Variants in CACNA2D3 observed in about 807,000 individuals in gnomAD.
The protein encoded by CACNA2D3 is voltage-dependent calcium channel subunit alpha-2/delta-3.
CACNA2D3 carries 60 observed loss-of-function variants against 160.6 expected under a neutral mutation model. That is an observed-to-expected ratio of 0.37 (90% CI 0.30 to 0.46). CACNA2D3 has a LOEUF of 0.46. Ranked by LOEUF, CACNA2D3 falls within the 20% of genes least tolerant of loss-of-function variation. The pLI is 1.00. For synonymous variants in CACNA2D3, 558 were observed against 492.9 expected, an observed-to-expected ratio of 1.13 and a Z score of -1.75; for missense variants, 1,205 against 1,365.0, an observed-to-expected ratio of 0.88 and a Z score of 1.85.
chr3:54,788,252 C>G (rs1702679077), intron 13 of CACNA2D3, among the ~76,000 whole-genome samples: 1 of 152,148 alleles, frequency 6.6e-6, no homozygotes, highest in African/African-American at 2.4e-5. Flanking sequence ...ACATGGTAAT[C>G]TTAAGGAAGG....
chr3:54,803,619 G>T (rs1382384271), intron 13 of CACNA2D3, among the ~76,000 whole-genome samples: 3 of 152,182 alleles, frequency 2.0e-5, no homozygotes, highest in African/African-American at 4.8e-5. Context: ...GAACCAAGTT[G>T]GAAAACACTC....
intron 27 of CACNA2D3, among the ~76,000 whole-genome samples, chr3:54,954,705 C>G (rs909379600): frequency 7.9e-5 from 12 of 152,160 alleles, no homozygotes; most frequent in African/African-American, 2.9e-4. Context: ...CAGGCCTCAG[C>G]TTTTGAGAGT....
intron 13 of CACNA2D3, among the ~76,000 whole-genome samples, chr3:54,807,590 C>G (rs1304882560): frequency 2.6e-5 from 4 of 151,836 alleles, no homozygotes; most frequent in East Asian, 3.9e-4. Flanking sequence ...AATAGGAACA[C>G]TTTGACACTG....
chr3:54,724,289 A>G (rs1309847876), intron 11 of CACNA2D3, among the ~76,000 whole-genome samples: 1 of 152,190 alleles, frequency 6.6e-6, no homozygotes, highest in Non-Finnish European at 1.5e-5. Context: ...AGACCTACAA[A>G]GAGACTTAGA....
At chr3:54,891,180 CGT>C (rs3836392) in intron 24 of CACNA2D3, among the ~76,000 whole-genome samples, 173 bp from the exon 25 acceptor site, 19,972 of 141,824 alleles carry the variant, frequency 0.14, 1,478 homozygotes, top group African/African-American at 0.2. Context: ...AATCTGTGCT[CGT>C]GTGTGTGTGT....
intron 4 of CACNA2D3, among the ~76,000 whole-genome samples, chr3:54,453,801 C>G (rs556306092): frequency 6.6e-6 from 1 of 152,184 alleles, no homozygotes; most frequent in East Asian, 1.9e-4. Flanking sequence ...ATAATATTTG[C>G]ACAAAAGTCC....
chr3:54,505,158 C>A (rs1701349754), intron 5 of CACNA2D3, among the ~76,000 whole-genome samples: 1 of 152,170 alleles, frequency 6.6e-6, no homozygotes, highest in Non-Finnish European at 1.5e-5. Flanking sequence ...TCAGTGGAGG[C>A]AGTACCCCAT....
In CACNA2D3 at chr3:55,074,328, C is replaced by CTCA; in HGVS notation, c.*127_*129dup. On this transcript the variant is annotated 3_prime_UTR_variant, in exon 38 of 38. Transcript: ENST00000474759. Reference sequence around the variant, plus strand: ...ATGAATATAGTCCAACCATCAGCATCTCATCATGATTTTAAACTGTGCGTG... The same window carrying CTCA: ...ATGAATATAGTCCAACCATCAGCATCTCATCATCATGATTTTAAACTGTGCGTG... The CTCA allele has an allele frequency of 1.3e-6, 1 of 784,070 alleles. No homozygotes were observed. Among genetic ancestry groups the CTCA allele is most frequent in the Admixed American group, 1.9e-5 (1 of 52,718 alleles). The allele number at this position is 784,070 out of a possible 1,614,324, so 48.6% of individuals were successfully genotyped here.
chr3:54,730,263 G>T (rs920056408), intron 11 of CACNA2D3, among the ~76,000 whole-genome samples: 1 of 152,162 alleles, frequency 6.6e-6, no homozygotes, highest in South Asian at 2.1e-4. Flanking sequence ...ATTGCCCAGA[G>T]AATCCACCCT....
At chr3:54,848,292 C>G (rs527303662) in intron 17 of CACNA2D3, among the ~76,000 whole-genome samples, 9 of 152,342 alleles carry the variant, frequency 5.9e-5, no homozygotes, top group African/African-American at 2.2e-4. Flanking sequence ...CTGTTCATCT[C>G]CTAAGAGTAC....
intron 17 of CACNA2D3, among the ~76,000 whole-genome samples, chr3:54,856,648 A>G (rs1395031673): frequency 1.3e-5 from 2 of 152,274 alleles, no homozygotes; most frequent in African/African-American, 2.4e-5. Context: ...AAACTGATAA[A>G]TAAAAATACT....
chr3:54,184,395 A>T (rs995757960), intron 2 of CACNA2D3, among the ~76,000 whole-genome samples: 15 of 152,122 alleles, frequency 9.9e-5, no homozygotes, highest in Middle Eastern at 3.2e-3. Context: ...TCCTCCCATC[A>T]CCAATTTTAG....
chr3:54,766,153 T>C (rs992924553), intron 13 of CACNA2D3, among the ~76,000 whole-genome samples: 4 of 152,090 alleles, frequency 2.6e-5, no homozygotes, highest in South Asian at 2.1e-4. Flanking sequence ...AAAAAAACTT[T>C]TGTAAGCCAA....
chr3:54,372,919 GA>G (rs1283587844), intron 3 of CACNA2D3, among the ~76,000 whole-genome samples: 1 of 152,156 alleles, frequency 6.6e-6, no homozygotes, highest in Non-Finnish European at 1.5e-5. Flanking sequence ...AATTAGAATG[GA>G]AAAATAACAA....
chr3:54,994,368 G>T (rs1218037024), intron 31 of CACNA2D3, among the ~76,000 whole-genome samples: 1 of 152,170 alleles, frequency 6.6e-6, no homozygotes, highest in Non-Finnish European at 1.5e-5. Context: ...CTCATGTAAT[G>T]AGTGTAATGG....
At chr3:54,998,370 G>C (rs1702904367) in intron 31 of CACNA2D3, among the ~76,000 whole-genome samples, 1 of 152,154 alleles carries the variant, frequency 6.6e-6, no homozygotes, top group African/African-American at 2.4e-5. Context: ...CTGACCTCAA[G>C]TGATCGGCCC....
At chr3:54,924,576 C>T in intron 27 of CACNA2D3, 11 of 1,456,114 alleles carry the variant, frequency 7.6e-6, no homozygotes, top group Non-Finnish European at 8.6e-6. Flanking sequence ...TCATCCTAGG[C>T]TGGTAACACA....
At chr3:54,736,792 G>T (rs1385607106) in intron 11 of CACNA2D3, among the ~76,000 whole-genome samples, 5 of 152,082 alleles carry the variant, frequency 3.3e-5, no homozygotes, top group Non-Finnish European at 7.4e-5. Flanking sequence ...ATGAGCTTTG[G>T]GGTCCCACAT....
At chr3:54,764,452 T>A in intron 13 of CACNA2D3, 101 bp downstream of exon 13, 1 of 1,404,004 alleles carries the variant, frequency 7.1e-7, no homozygotes, top group Non-Finnish European at 9.8e-7. Flanking sequence ...ATTTTTTGTG[T>A]TCAGTGACAC....
Sources: allele counts gnomAD v4.1 joint callset (sites outside exome capture counted in the v4.1 genomes callset), GRCh38; gene constraint gnomAD v4.1.1; transcripts MANE v1.5; gene names NCBI Gene and HGNC (gene_info 2026-07-23, HGNC 2026-07-21).